The following CYREN variants were observed in gnomAD, a reference collection of about 807,000 sequenced individuals.
CYREN encodes the protein cell cycle regulator of NHEJ.
A neutral mutation model predicts 9.7 loss-of-function variants in CYREN; 7 were observed. The ratio of observed to expected loss-of-function variants is 0.72; its 90% CI spans 0.41 to 1.36. The LOEUF is 1.36. Ranked by LOEUF, CYREN falls within the 40% of genes most tolerant of loss-of-function variation. CYREN has a pLI of 0.01. For synonymous variants in CYREN, 76 were observed against 77.9 expected, an observed-to-expected ratio of 0.98 and a Z score of 0.13; for missense variants, 215 against 198.1, an observed-to-expected ratio of 1.09 and a Z score of -0.51.
intron 2 of CYREN, among the ~76,000 whole-genome samples, chr7:135,152,214 G>A (rs564153047): frequency 2.6e-4 from 40 of 152,364 alleles, no homozygotes; most frequent in Admixed American, 3.9e-4. Context: ...CTGGTGAATG[G>A]AAGAGCAGAG....
chr7:135,132,178 TGATATCAAAACCA>T (rs1301478686), intron 2 of CYREN, among the ~76,000 whole-genome samples: 1 of 152,080 alleles, frequency 6.6e-6, no homozygotes, highest in East Asian at 1.9e-4. Context: ...ACTGTTAGTG[TGATATCAAAACCA>T]GACAAGGGCA....
At chr7:135,167,141 G>A in intron 3 of CYREN, 1 of 985,414 alleles carries the variant, frequency 1.0e-6, no homozygotes, top group East Asian at 1.1e-4. Flanking sequence ...AAAAGAAATG[G>A]AAGAAACATG....
intron 2 of CYREN, among the ~76,000 whole-genome samples, chr7:135,101,973 C>G (rs528592490): frequency 2.0e-5 from 3 of 152,294 alleles, no homozygotes; most frequent in Non-Finnish European, 4.4e-5. Flanking sequence ...TTTCGCTTTG[C>G]TCTCATTCTC....
intron 2 of CYREN, among the ~76,000 whole-genome samples, chr7:135,133,226 C>G (rs1829042089): frequency 6.6e-6 from 1 of 152,054 alleles, no homozygotes; most frequent in African/African-American, 2.4e-5. Context: ...AAAAAAAATA[C>G]TTGGTTTTAC....
exon 3 of CYREN, chr7:135,094,544 C>T (rs1822359316): frequency 4.4e-6 from 2 of 456,520 alleles, no homozygotes; most frequent in Non-Finnish European, 4.4e-6. Context: ...AGGAATCCCA[C>T]CAGGTTCTCA....
chr7:135,157,434 A>T (rs748066061), intron 2 of CYREN, among the ~76,000 whole-genome samples: 7 of 152,254 alleles, frequency 4.6e-5, no homozygotes, highest in African/African-American at 7.2e-5. Flanking sequence ...CCAACTGAGC[A>T]GCCTTTGGAC....
intron 2 of CYREN, among the ~76,000 whole-genome samples, chr7:135,160,625 G>A (rs531466615): frequency 6.6e-6 from 1 of 152,070 alleles, no homozygotes; most frequent in African/African-American, 2.4e-5. Flanking sequence ...GCATGCATAC[G>A]ACATTAAACA....
At chr7:135,109,676 T>C (rs1181048243) in intron 2 of CYREN, among the ~76,000 whole-genome samples, 1 of 151,980 alleles carries the variant, frequency 6.6e-6, no homozygotes, top group Non-Finnish European at 1.5e-5. Context: ...AGCAGGGGTA[T>C]CTGTAGACCT....
intron 1 of CYREN, 32 bp from the exon 2 acceptor site, chr7:135,169,092 C>A (rs9649052): frequency 0.5 from 324,912 of 646,646 alleles, 84,305 homozygotes; most frequent in South Asian, 0.65. Context: ...GGTGAATTCC[C>A]ATACCTCCAG....
intron 1 of CYREN, 129 bp downstream of exon 1, chr7:135,170,521 CCG>C (rs1414841583): frequency 1.3e-5 from 2 of 152,340 alleles, no homozygotes; most frequent in African/African-American, 4.8e-5. Flanking sequence ...ACTGGAGCGG[CCG>C]CGCGCTCCTC....
At chr7:135,105,857 C>T (rs534331196) in intron 2 of CYREN, among the ~76,000 whole-genome samples, 1 of 152,292 alleles carries the variant, frequency 6.6e-6, no homozygotes, top group South Asian at 2.1e-4. Context: ...GACATTGATT[C>T]TTCTGACCCA....
chr7:135,158,694 G>A (rs1028591958), intron 2 of CYREN, among the ~76,000 whole-genome samples: 5 of 124,418 alleles, frequency 4.0e-5, no homozygotes, highest in African/African-American at 1.4e-4. Context: ...TCCCAGACAA[G>A]CAGTGTGGAA....
rs757331149 is a variant in CYREN, at chr7:135,168,804, A to G, written c.119T>C (p.Val40Ala). The G allele has an allele frequency of 1.2e-6, 2 of 1,614,016 alleles. No individual in the cohort carries two copies. Among genetic ancestry groups the G allele is most frequent in the East Asian group, 2.2e-5 (1 of 44,862 alleles). Residue 40 changes from valine (V) to alanine (A), a missense_variant, in exon 2 of 4, where the codon GTG becomes GCG. By Grantham distance (64) the Val-to-Ala change is moderately conservative (BLOSUM62 0). Transcript: ENST00000393114. Reference protein sequence around the residue: ...KAPKRMRMAAVPVAAARLPAT... With the variant: ...KAPKRMRMAAAPVAAARLPAT... Reference sequence around the variant, plus strand: ...GTCGCACCTTGCTGCTGCCACTGGCACTGCTGCCATTCTCATCCTCTTGGG... The same window carrying G: ...GTCGCACCTTGCTGCTGCCACTGGCGCTGCTGCCATTCTCATCCTCTTGGG...
chr7:135,098,479 T>C (rs748151231), intron 2 of CYREN, among the ~76,000 whole-genome samples: 4 of 152,198 alleles, frequency 2.6e-5, no homozygotes, highest in Non-Finnish European at 5.9e-5. Context: ...TTTTCCTAAA[T>C]ATTTTCCATC....
intron 2 of CYREN, chr7:135,101,100 G>A: frequency 4.5e-6 from 2 of 448,312 alleles, no homozygotes; most frequent in South Asian, 3.2e-5. Context: ...ATGACTCAGA[G>A]TCATAGCAAA....
chr7:135,171,963 G>T (rs1585386861), upstream of CYREN, among the ~76,000 whole-genome samples: 1 of 152,258 alleles, frequency 6.6e-6, no homozygotes, highest in African/African-American at 2.4e-5. Context: ...CCAGACATCT[G>T]AAGCTTGTCA....
chr7:135,115,262 G>A lies in CYREN; in HGVS notation n.357-20680C>T, dbSNP rs28640016. On this transcript the variant is annotated intron_variant and non_coding_transcript_variant, in intron 2 of 2. Transcript: ENST00000459937. ...TTATTTTCTGCCCACTGTCATTAAA[G>A]TACAAGCTTCAGATGGGCAAGGAAT... 6.5e-3 allele frequency: 4,016 copies of A among 618,080 alleles called. 136 individuals carry two copies. In the African/African-American group the frequency reaches 0.065, roughly 10 times the overall value. 38.3% of individuals were successfully genotyped at this position (618,080 alleles called of 1,614,324 possible).
intron 2 of CYREN, among the ~76,000 whole-genome samples, chr7:135,096,313 C>G (rs1822680101): frequency 1.4e-5 from 2 of 147,768 alleles, no homozygotes; most frequent in African/African-American, 5.0e-5. Context: ...CAGCATGGCC[C>G]AAATGTCACC....
intron 2 of CYREN, among the ~76,000 whole-genome samples, chr7:135,149,327 T>C (rs1031164502): frequency 6.6e-6 from 1 of 152,224 alleles, no homozygotes; most frequent in African/African-American, 2.4e-5. Context: ...CTTTCTCCTA[T>C]GCCTCTTTAT....
Sources: allele counts gnomAD v4.1 joint callset (sites outside exome capture counted in the v4.1 genomes callset), GRCh38; gene constraint gnomAD v4.1.1; transcripts MANE v1.5; gene names NCBI Gene and HGNC (gene_info 2026-07-23, HGNC 2026-07-21).